Variants in CCDC138 observed in about 807,000 individuals in gnomAD.
The protein encoded by CCDC138 is coiled-coil domain containing 138.
In CCDC138, 66 loss-of-function variants were observed where a neutral mutation model predicts 82.3. The observed-to-expected ratio is 0.80, with a 90% CI of 0.66 to 0.98. The LOEUF is 0.98. Ranked by LOEUF, CCDC138 falls within the 50% of genes least tolerant of loss-of-function variation. The probability of loss-of-function intolerance (pLI) is 0.00; values close to 1 mark genes in which losing one functional copy is unlikely to be tolerated. For missense variants in CCDC138, 816 were observed against 758.9 expected, an observed-to-expected ratio of 1.08 and a Z score of -0.88; for synonymous variants, 297 against 265.4, an observed-to-expected ratio of 1.12 and a Z score of -1.16.
chr2:108,876,046 C>CT (rs770777797), intron 14 of CCDC138, 42 bp from the exon 15 acceptor site: 15 of 1,326,262 alleles, frequency 1.1e-5, no homozygotes, highest in African/African-American at 7.3e-5. Flanking sequence ...GATAAACTCT[C>CT]TAAGTATGTG....
chr2:108,811,247 C>CTTTTTT (rs55661786), intron 7 of CCDC138, among the ~76,000 whole-genome samples: 14 of 113,830 alleles, frequency 1.2e-4, no homozygotes, highest in African/African-American at 2.3e-4. Context: ...TTCTCTCTCT[C>CTTTTTT]TTTTTTTTTT....
At chr2:108,876,046 CTAAGTA>C in intron 14 of CCDC138, 36 bp from the exon 15 acceptor site, 1 of 1,326,380 alleles carries the variant, frequency 7.5e-7, no homozygotes, top group Non-Finnish European at 1.1e-6. Context: ...GATAAACTCT[CTAAGTA>C]TGTGTAATTA....
chr2:108,823,945 C>T (rs12470194), intron 10 of CCDC138, among the ~76,000 whole-genome samples: 110,105 of 151,466 alleles, frequency 0.73, 42,155 homozygotes, highest in East Asian at 0.95. Context: ...CCACTGCACT[C>T]CAGCCTGGGC....
intron 11 of CCDC138, among the ~76,000 whole-genome samples, chr2:108,843,452 C>T (rs1689863088): frequency 6.6e-6 from 1 of 152,248 alleles, no homozygotes; most frequent in African/African-American, 2.4e-5. Context: ...GCCACCGCAC[C>T]TGGCCTAGAG....
intron 12 of CCDC138, 132 bp from the exon 13 acceptor site, chr2:108,856,662 C>CT: frequency 6.5e-6 from 5 of 767,884 alleles, no homozygotes; most frequent in Middle Eastern, 3.6e-4. Context: ...TAAATTTAGA[C>CT]TGTGATCTCT....
intron 5 of CCDC138, among the ~76,000 whole-genome samples, chr2:108,797,009 A>T (rs1346134296): frequency 1.3e-5 from 2 of 152,198 alleles, no homozygotes. Context: ...TGTTTGAGGT[A>T]ATAGATATCC....
At chr2:108,873,966 G>A (rs1470910042) in intron 14 of CCDC138, among the ~76,000 whole-genome samples, 4 of 151,914 alleles carry the variant, frequency 2.6e-5, no homozygotes, top group African/African-American at 4.8e-5. Flanking sequence ...AAATACTAAC[G>A]CTGATCTAAG....
In CCDC138 at chr2:108,788,843, CGTT is replaced by C. The variant is rs1558958295; in HGVS notation, c.152-7_152-5del. On this transcript the variant is annotated splice_region_variant and splice_polypyrimidine_tract_variant and intron_variant, in intron 2 of 14. Transcript: ENST00000295124. The stretch of plus-strand genomic sequence containing the variant: ...TGGTAATCTTTCATGGTTTCTTTGT[CGTT>C]GACAGGTGATTTGGATATCTACTCT... The C allele has an allele frequency of 2.5e-6, 4 of 1,613,664 alleles. No individual in the cohort carries two copies. The highest frequency in any genetic ancestry group is 3.4e-6 in the Non-Finnish European group (4 of 1,179,776).
At chr2:108,809,743 T>A (rs1166567329) in intron 7 of CCDC138, among the ~76,000 whole-genome samples, 1 of 152,212 alleles carries the variant, frequency 6.6e-6, no homozygotes, top group African/African-American at 2.4e-5. Flanking sequence ...TTTCGGTTTC[T>A]TTGCATTGAA....
intron 13 of CCDC138, among the ~76,000 whole-genome samples, chr2:108,863,567 G>A (rs958364557): frequency 2.0e-5 from 3 of 152,144 alleles, no homozygotes; most frequent in Admixed American, 6.6e-5. Flanking sequence ...TTTTTATGTA[G>A]TAAAACTCCT....
At chr2:108,880,257 A>G (rs553345882), downstream of CCDC138, among the ~76,000 whole-genome samples, 100 of 151,972 alleles carry the variant, frequency 6.6e-4, no homozygotes, top group South Asian at 0.02. Flanking sequence ...ACAGATTGCT[A>G]ATACCAAAAA....
chr2:108,812,222 A>G (rs988864605), intron 7 of CCDC138, among the ~76,000 whole-genome samples: 7 of 152,134 alleles, frequency 4.6e-5, no homozygotes, highest in African/African-American at 9.7e-5. Flanking sequence ...ATATATATAC[A>G]TATCAGTATA....
chr2:108,848,543 C>T (rs1690880536), intron 12 of CCDC138, among the ~76,000 whole-genome samples: 2 of 152,082 alleles, frequency 1.3e-5, no homozygotes, highest in African/African-American at 4.8e-5. Context: ...ATTCTTCCTG[C>T]CTATGAAGAC....
At position 108,812,692 on chromosome 2, in the gene CCDC138, G is replaced by C; in HGVS notation, c.917G>C (p.Arg306Pro). 6.2e-7 allele frequency: 1 copy of C among 1,609,762 alleles called. No homozygotes were observed. Among genetic ancestry groups the C allele is most frequent in the Non-Finnish European group, 8.5e-7 (1 of 1,176,162 alleles). ...ATTCAGGCTAAAAGAGTTCAAGCTCGTTTAGATAATTTACAGGTAAGTTGC... is the reference window on the plus strand; with the variant it reads ...ATTCAGGCTAAAAGAGTTCAAGCTCCTTTAGATAATTTACAGGTAAGTTGC... Reference protein sequence around the residue: ...IDIQAKRVQARLDNLQRKYEF... With the variant: ...IDIQAKRVQAPLDNLQRKYEF... The change falls in exon 8 of 15, where the codon CGT becomes CCT. Residue 306 changes from arginine to proline, a missense_variant. Transcript: ENST00000295124.
chr2:108,851,821 G>A lies in CCDC138; in HGVS notation c.1516+4891G>A, dbSNP rs570018784. ...ACATCATAACAAAGACTAATGAGAC[G>A]AAAACCTATATATATATATCATAAC... On this transcript the variant is annotated intron_variant, in intron 12 of 14. Coordinates refer to ENST00000295124, the MANE Select transcript of CCDC138 (RefSeq NM_144978.3). Among the ~76,000 whole-genome samples, 8 of 152,134 alleles carry A rather than the reference G, an allele frequency of 5.3e-5. No individual in the cohort carries two copies. In the East Asian group the frequency reaches 1.4e-3, roughly 26 times the overall value.
At chr2:108,836,183 CT>C (rs1399479604) in intron 10 of CCDC138, among the ~76,000 whole-genome samples, 2 of 152,180 alleles carry the variant, frequency 1.3e-5, no homozygotes, top group East Asian at 1.9e-4. Flanking sequence ...ACCCCCGCCC[CT>C]GATGACCACC....
At position 108,839,171 on chromosome 2, in the gene CCDC138, C is replaced by G. The variant is rs767080756; in HGVS notation, c.1207-14C>G. On this transcript the variant is annotated splice_polypyrimidine_tract_variant and intron_variant, in intron 10 of 14. Transcript: ENST00000295124. ...CTGTGCCTTTGTATTTATTTTCCAT[C>G]ATTTTATCTTTAGCTTTTGCCTCTA... is the stretch of plus-strand genomic sequence containing the variant. 6.3e-7 allele frequency: 1 copy of G among 1,589,206 alleles called. No individual in the cohort carries two copies.
intron 11 of CCDC138, among the ~76,000 whole-genome samples, chr2:108,840,621 A>G (rs1400755810): frequency 2.6e-5 from 4 of 152,110 alleles, no homozygotes; most frequent in African/African-American, 7.2e-5. Context: ...AGTTTTTCAT[A>G]GTATTCTCTT....
intron 10 of CCDC138, among the ~76,000 whole-genome samples, chr2:108,826,666 A>T (rs1296097106): frequency 6.6e-6 from 1 of 152,122 alleles, no homozygotes; most frequent in Non-Finnish European, 1.5e-5. Flanking sequence ...CTTTGTAGTA[A>T]ATTTTGAAAA....
Sources: allele counts gnomAD v4.1 joint callset (sites outside exome capture counted in the v4.1 genomes callset), GRCh38; gene constraint gnomAD v4.1.1; transcripts MANE v1.5; gene names NCBI Gene and HGNC (gene_info 2026-07-23, HGNC 2026-07-21).